PCDHGA6: variants seen among roughly 807,000 people sequenced by gnomAD.
PCDHGA6 encodes the protein protocadherin gamma subfamily A, 6.
Under a neutral mutation model 60.6 loss-of-function variants are expected in PCDHGA6, and 41 were observed. The ratio of observed to expected loss-of-function variants is 0.68; its 90% CI spans 0.53 to 0.88. The LOEUF (loss-of-function observed/expected upper bound fraction) is 0.88, where lower values mean the gene tolerates loss of function less well. PCDHGA6 is among the 40% of genes least tolerant of loss of function. The pLI is 0.00. For synonymous variants in PCDHGA6, 594 were observed against 524.4 expected, an observed-to-expected ratio of 1.13 and a Z score of -1.81; for missense variants, 1,312 against 1,203.0, an observed-to-expected ratio of 1.09 and a Z score of -1.34.
intron 1 of PCDHGA6, among the ~76,000 whole-genome samples, chr5:141,456,679 T>C (rs1357662868): frequency 2.0e-5 from 3 of 152,104 alleles, no homozygotes; most frequent in Non-Finnish European, 2.9e-5. Flanking sequence ...AAAAATGCAT[T>C]ACTGGCCAGG....
At chr5:141,388,261 T>C in intron 1 of PCDHGA6, 1 of 1,611,348 alleles carries the variant, frequency 6.2e-7, no homozygotes. Flanking sequence ...ATCGAGGACA[T>C]TAATGACCAC....
At chr5:141,482,528 T>C (rs945815289) in intron 1 of PCDHGA6, among the ~76,000 whole-genome samples, 1 of 56,520 alleles carries the variant, frequency 1.8e-5, no homozygotes, top group Non-Finnish European at 2.8e-5. Flanking sequence ...GAGACAGACA[T>C]GCAAAAAAAA....
intron 1 of PCDHGA6, chr5:141,423,599 C>T (rs1185412610): frequency 6.2e-7 from 1 of 1,612,844 alleles, no homozygotes; most frequent in Non-Finnish European, 8.5e-7. Context: ...AAAAGCGAGC[C>T]ACTCTTGATA....
intron 1 of PCDHGA6, chr5:141,478,323 G>T (rs1234175290): frequency 1.2e-6 from 2 of 1,613,958 alleles, no homozygotes; most frequent in African/African-American, 2.7e-5. Context: ...TCACTGTACC[G>T]AACACCAGGG....
In PCDHGA6 at chr5:141,486,872, C is replaced by T. The variant is rs1320632059; in HGVS notation, c.2425-7935C>T. On this transcript the variant is annotated intron_variant, in intron 1 of 3. Transcript: ENST00000517434. The surrounding 1 kb of genome is among the most constrained non-coding windows in gnomAD (Gnocchi z 5.0). ...CAATGACAATGCTCCAGCTGTGCTC[C>T]GTCCTCGGGCCCGGCCTGGTTCCTT... The T allele has an allele frequency of 3.7e-6, 6 of 1,614,232 alleles. No individual in the cohort carries two copies. Among genetic ancestry groups the T allele is most frequent in the African/African-American group, 1.3e-5 (1 of 75,070 alleles).
At chr5:141,392,719 C>CCG in intron 1 of PCDHGA6, 1 of 1,383,098 alleles carries the variant, frequency 7.2e-7, no homozygotes, top group African/African-American at 1.5e-5. Context: ...TCCAGGTTTC[C>CCG]GGAGGATTGT....
rs150897033 is a variant in PCDHGA6, at chr5:141,453,434, G to C, written c.2425-41373G>C. Among the ~76,000 whole-genome samples the C allele has an allele frequency of 3.9e-3, 592 of 151,994 alleles. 6 individuals are homozygous for C. The highest frequency in any genetic ancestry group is 0.011 in the Admixed American group (171 of 15,256). On this transcript the variant is annotated intron_variant, in intron 1 of 3. Coordinates refer to ENST00000517434, the MANE Select transcript of PCDHGA6 (RefSeq NM_018919.3). Reference sequence around the variant, plus strand: ...GGCATAAGCCACCACACCTAGCCTAGTATTCTTTTTTGAATATGTAAAACA... The same window carrying C: ...GGCATAAGCCACCACACCTAGCCTACTATTCTTTTTTGAATATGTAAAACA...
At position 141,374,961 on chromosome 5, in the gene PCDHGA6, G is replaced by C. The variant is rs1770983787; in HGVS notation, c.878G>C (p.Cys293Ser). The change falls in exon 1 of 4, where the codon TGT becomes TCT. Residue 293 changes from cysteine (C) to serine (S), a missense_variant. Cys to Ser is a moderately radical substitution (Grantham distance 112). Transcript: ENST00000517434. ...KITEKISQIF[C>S]LNVLTGEIST... The stretch of plus-strand genomic sequence containing the variant: ...ACAGAAAAGATCTCACAAATTTTCT[G>C]TTTGAATGTTTTGACTGGAGAAATT... 6.2e-7 allele frequency: 1 copy of C among 1,614,028 alleles called. No homozygotes were observed. The highest frequency in any genetic ancestry group is 8.5e-7 in the Non-Finnish European group (1 of 1,179,904).
intron 1 of PCDHGA6, chr5:141,388,600 C>G (rs1561620181): frequency 6.2e-7 from 1 of 1,613,856 alleles, no homozygotes; most frequent in Non-Finnish European, 8.5e-7. Context: ...AATGATAATG[C>G]TCCAGTGTTC....
chr5:141,477,482 C>T lies in PCDHGA6; in HGVS notation c.2425-17325C>T, dbSNP rs1168724444. The T allele has an allele frequency of 6.2e-7, 1 of 1,614,118 alleles. No individual in the cohort carries two copies. Among genetic ancestry groups the T allele is most frequent in the Non-Finnish European group, 8.5e-7 (1 of 1,180,016 alleles). ...GTCCGACATCAATGACAACCCTCCA[C>T]AATCTTCTCAATCTTCCTACGACGT... is the stretch of plus-strand genomic sequence containing the variant. On this transcript the variant is annotated intron_variant, in intron 1 of 3. Coordinates refer to ENST00000517434, the MANE Select transcript of PCDHGA6 (RefSeq NM_018919.3). This position sits in a 1 kb window ranked among gnomAD's most constrained non-coding sequence, Gnocchi z 4.9.
intron 1 of PCDHGA6, among the ~76,000 whole-genome samples, chr5:141,482,793 C>T (rs900216099): frequency 3.9e-5 from 5 of 128,974 alleles, no homozygotes; most frequent in Non-Finnish European, 8.1e-5. Flanking sequence ...TGTGTGTGGC[C>T]GGGTACGGTG....
intron 1 of PCDHGA6, chr5:141,389,265 G>T: frequency 6.2e-7 from 1 of 1,614,004 alleles, no homozygotes; most frequent in Non-Finnish European, 8.5e-7. Context: ...CCACGTGGCC[G>T]AGAACAACCC....
intron 2 of PCDHGA6, among the ~76,000 whole-genome samples, chr5:141,498,945 G>C (rs1421135706): frequency 8.0e-6 from 1 of 125,434 alleles, no homozygotes; most frequent in Non-Finnish European, 1.6e-5. Context: ...AAGAAAGAAA[G>C]AAAAAGAGAG....
In PCDHGA6 at chr5:141,460,596, C is replaced by A. The variant is rs930441447; in HGVS notation, c.2425-34211C>A. On this transcript the variant is annotated intron_variant, in intron 1 of 3. Transcript: ENST00000517434. ...TGTAGGTGTGGGTTTTTTCTGGGCT[C>A]TCTGTGTTAGATGGATAGATAGACA... Among the ~76,000 whole-genome samples the A allele has an allele frequency of 1.3e-5, 2 of 151,986 alleles. 1 individual carries two copies. The highest frequency in any genetic ancestry group is 4.1e-4 in the South Asian group (2 of 4,824).
chr5:141,399,612 G>A (rs1191904235), intron 1 of PCDHGA6: 1 of 1,613,812 alleles, frequency 6.2e-7, no homozygotes, highest in African/African-American at 1.3e-5. Flanking sequence ...TAGAGCCTCT[G>A]GCACTGGCCT....
In PCDHGA6 at chr5:141,375,260, G is replaced by A; in HGVS notation, c.1177G>A (p.Glu393Lys). 6.2e-7 allele frequency: 1 copy of A among 1,613,874 alleles called. No individual in the cohort carries two copies. Among genetic ancestry groups the A allele is most frequent in the Non-Finnish European group, 8.5e-7 (1 of 1,179,896 alleles). Residue 393 changes from glutamate to lysine, a missense_variant, in exon 1 of 4, where the codon GAA becomes AAA. Physicochemically the swap from Glu to Lys is moderately conservative, Grantham distance 56. Coordinates refer to ENST00000517434, the MANE Select transcript of PCDHGA6 (RefSeq NM_018919.3). ...TTCCATCCCGAGAAGTCTCCCATTTGAATTGGAAAAATCAGTTGGCAATTA... is the reference window on the plus strand; with the variant it reads ...TTCCATCCCGAGAAGTCTCCCATTTAAATTGGAAAAATCAGTTGGCAATTA... ...TCSIPRSLPF[E>K]LEKSVGNYYR...
chr5:141,392,248 A>G (rs2092491180), intron 1 of PCDHGA6: 3 of 152,220 alleles, frequency 2.0e-5, no homozygotes, highest in Admixed American at 2.0e-4. Flanking sequence ...ATTTGTTAGT[A>G]TATATTGGAG....
rs765198459 is a variant in PCDHGA6, at chr5:141,376,019, G to A, written c.1936G>A (p.Val646Ile). The A allele has an allele frequency of 7.3e-5, 117 of 1,613,176 alleles. No homozygotes were observed. Among genetic ancestry groups the A allele is most frequent in the African/African-American group, 9.3e-5 (7 of 74,932 alleles). ...DALKQSLVVA[V>I]QDHGQPPLSA... ...GCTCAAGCAGAGCCTAGTGGTGGCC[G>A]TCCAGGACCACGGCCAGCCCCCTCT... is the stretch of plus-strand genomic sequence containing the variant. The change falls in exon 1 of 4, where the codon GTC (valine) becomes ATC (isoleucine). Residue 646 changes from valine to isoleucine, a missense_variant. Coordinates refer to ENST00000517434, the MANE Select transcript of PCDHGA6 (RefSeq NM_018919.3).
chr5:141,421,195 G>C (rs1305388921), intron 1 of PCDHGA6: 2 of 1,504,878 alleles, frequency 1.3e-6, no homozygotes, highest in Non-Finnish European at 1.8e-6. Context: ...CAACCAGCTC[G>C]AGAAACCGCG....
Sources: allele counts gnomAD v4.1 joint callset (sites outside exome capture counted in the v4.1 genomes callset), GRCh38; gene constraint gnomAD v4.1.1; non-coding constraint Gnocchi (gnomAD v3.1); transcripts MANE v1.5; gene names NCBI Gene and HGNC (gene_info 2026-07-23, HGNC 2026-07-21).